Variants in EYS observed in about 807,000 individuals in gnomAD.
The protein encoded by EYS is protein eyes shut homolog.
EYS carries 250 observed loss-of-function variants against 282.1 expected under a neutral mutation model. That is an observed-to-expected ratio of 0.89 (90% CI 0.80 to 0.98). EYS has a LOEUF of 0.98. Ranked by LOEUF, EYS falls within the 50% of genes least tolerant of loss-of-function variation. EYS has a pLI of 0.00. For missense variants in EYS, 4,016 were observed against 3,709.0 expected, an observed-to-expected ratio of 1.08 and a Z score of -2.15; for synonymous variants, 1,355 against 1,282.9, an observed-to-expected ratio of 1.06 and a Z score of -1.20.
chr6:64,241,653 G>GTTTT (rs1287891732), intron 30 of EYS, among the ~76,000 whole-genome samples: 16 of 148,998 alleles, frequency 1.1e-4, no homozygotes, highest in African/African-American at 3.8e-4. Context: ...TTTTTTGAAG[G>GTTTT]TTTTTGTGTG....
At chr6:65,254,592 G>T (rs1767411388) in intron 12 of EYS, among the ~76,000 whole-genome samples, 1 of 151,810 alleles carries the variant, frequency 6.6e-6, no homozygotes, top group Non-Finnish European at 1.5e-5. Flanking sequence ...GATTAATTTG[G>T]TTACACATCT....
At chr6:63,936,190 C>T (rs1436345864) in intron 35 of EYS, among the ~76,000 whole-genome samples, 2 of 152,200 alleles carry the variant, frequency 1.3e-5, no homozygotes, top group East Asian at 1.9e-4. Context: ...GACATTAAAC[C>T]TAGACCCCTT....
At chr6:64,389,041 A>C (rs528380967) in intron 28 of EYS, among the ~76,000 whole-genome samples, 4 of 152,350 alleles carry the variant, frequency 2.6e-5, no homozygotes, top group African/African-American at 9.6e-5. Context: ...AGTTTGACAA[A>C]ACAACAAATT....
At chr6:64,328,124 C>T (rs1046281797) in intron 29 of EYS, among the ~76,000 whole-genome samples, 7 of 152,218 alleles carry the variant, frequency 4.6e-5, no homozygotes, top group African/African-American at 1.7e-4. Flanking sequence ...CATACTCCCT[C>T]TTATACAGGG....
intron 25 of EYS, 51 bp from the exon 26 acceptor site, chr6:64,592,040 AC>A: frequency 7.5e-7 from 1 of 1,335,352 alleles, no homozygotes; most frequent in East Asian, 2.6e-5. Context: ...TCAGAAACGA[AC>A]CACTTTGGCA....
intron 26 of EYS, among the ~76,000 whole-genome samples, chr6:64,496,765 C>A (rs1280228951): frequency 2.0e-5 from 3 of 151,870 alleles, no homozygotes; most frequent in South Asian, 2.1e-4. Context: ...TTAAACTTTG[C>A]GGATGCTAAT....
intron 31 of EYS, among the ~76,000 whole-genome samples, chr6:64,116,363 C>T (rs1160294736): frequency 6.6e-6 from 1 of 152,028 alleles, no homozygotes; most frequent in Admixed American, 6.6e-5. Context: ...ATTTAAAATA[C>T]TGAAAGAAAA....
intron 1 of EYS, among the ~76,000 whole-genome samples, chr6:65,677,964 G>T (rs2149836673): frequency 1.3e-5 from 2 of 152,154 alleles, no homozygotes; most frequent in Admixed American, 1.3e-4. Flanking sequence ...TTGTTGTGTT[G>T]CTGTAAAGGA....
chr6:64,245,946 G>A (rs1487558712), intron 30 of EYS, among the ~76,000 whole-genome samples: 1 of 150,150 alleles, frequency 6.7e-6, no homozygotes, highest in Non-Finnish European at 1.5e-5. Context: ...GTGAACCCGG[G>A]AGGCGGAGCT....
chr6:63,948,260 G>A (rs1562110223), intron 35 of EYS, among the ~76,000 whole-genome samples: 1 of 152,140 alleles, frequency 6.6e-6, no homozygotes, highest in Non-Finnish European at 1.5e-5. Context: ...GTGTGAAGAT[G>A]GATATGCCTT....
In EYS at chr6:65,326,546, TTTTC is replaced by T. The variant is rs1398623330; in HGVS notation, c.1766+8430_1766+8433del. ...ATATCTTTTCTCATACTCCTATAGTTTTTCTTTCTTTCAACTTTTATCCTTTTTA... is the reference window on the plus strand; with the variant it reads ...ATATCTTTTCTCATACTCCTATAGTTTTTCTTTCAACTTTTATCCTTTTTA... On this transcript the variant is annotated intron_variant, in intron 11 of 42. Transcript: ENST00000503581. Among the ~76,000 whole-genome samples the T allele has an allele frequency of 2.0e-5, 3 of 151,570 alleles. No individual in the cohort carries two copies. In the East Asian group the frequency reaches 5.8e-4, roughly 29 times the overall value.
In EYS at chr6:64,144,825, G is replaced by T. The variant is rs138286595; in HGVS notation, c.6425-62823C>A. On this transcript the variant is annotated intron_variant, in intron 31 of 42. Coordinates refer to ENST00000503581, the MANE Select transcript of EYS (RefSeq NM_001142800.2). ...CGCGCAGAACAAGAGGGGCTAGCTG[G>T]CCACGTGTTGGGGATGGATGGAAAA... 4.6e-3 allele frequency among the ~76,000 whole-genome samples: 699 copies of T among 152,236 alleles called. 4 individuals are homozygous for T. The highest frequency in any genetic ancestry group is 0.016 in the African/African-American group (658 of 41,556).
chr6:65,671,047 T>C (rs1218181337), intron 1 of EYS, among the ~76,000 whole-genome samples: 1 of 152,114 alleles, frequency 6.6e-6, no homozygotes, highest in Non-Finnish European at 1.5e-5. Context: ...ATAGTCCTTA[T>C]TGTAGTAATT....
At chr6:65,057,252 A>C (rs2150157475) in intron 13 of EYS, among the ~76,000 whole-genome samples, 1 of 152,164 alleles carries the variant, frequency 6.6e-6, no homozygotes, top group African/African-American at 2.4e-5. Flanking sequence ...TAGCTTAGAA[A>C]GAAGAAGAGA....
chr6:64,822,603 G>A, intron 20 of EYS, 48 bp downstream of exon 20: 2 of 1,380,796 alleles, frequency 1.4e-6, no homozygotes, highest in Non-Finnish European at 2.0e-6. Flanking sequence ...CTTAAATATT[G>A]TGAGTTAAAT....
At chr6:64,469,547 G>C (rs951615149) in intron 26 of EYS, among the ~76,000 whole-genome samples, 2 of 152,112 alleles carry the variant, frequency 1.3e-5, no homozygotes, top group Non-Finnish European at 2.9e-5. Context: ...ACAAGAGTGC[G>C]AGCCTTCTGT....
At chr6:64,869,837 T>A (rs1462148929) in intron 19 of EYS, among the ~76,000 whole-genome samples, 1 of 151,486 alleles carries the variant, frequency 6.6e-6, no homozygotes, top group African/African-American at 2.4e-5. Flanking sequence ...AAGTGGGGAG[T>A]TATAAGATCT....
intron 31 of EYS, among the ~76,000 whole-genome samples, chr6:64,109,849 T>C (rs549009291): frequency 1.3e-5 from 2 of 152,164 alleles, no homozygotes; most frequent in South Asian, 2.1e-4. Context: ...ACAAAAACAC[T>C]TGAATATATG....
intron 11 of EYS, among the ~76,000 whole-genome samples, chr6:65,320,770 C>A (rs1769453208): frequency 1.3e-5 from 2 of 152,182 alleles, no homozygotes; most frequent in Non-Finnish European, 2.9e-5. Context: ...CTTAAGGTGG[C>A]CCTTAACAAG....
Sources: allele counts gnomAD v4.1 joint callset (sites outside exome capture counted in the v4.1 genomes callset), GRCh38; gene constraint gnomAD v4.1.1; transcripts MANE v1.5; gene names NCBI Gene and HGNC (gene_info 2026-07-23, HGNC 2026-07-21).